Variants in NTM observed in about 807,000 individuals in gnomAD.
NTM encodes the protein IgLON family member 2.
NTM carries 13 observed loss-of-function variants against 42.1 expected under a neutral mutation model. The observed-to-expected ratio is 0.31, with a 90% CI of 0.20 to 0.49. NTM has a LOEUF of 0.49. Ranked by LOEUF, NTM falls within the 20% of genes least tolerant of loss-of-function variation. The probability of loss-of-function intolerance (pLI) is 0.99; values close to 1 mark genes in which losing one functional copy is unlikely to be tolerated. For missense variants in NTM, 373 were observed against 452.8 expected (o/e 0.82, Z 1.60); for synonymous variants, 187 against 179.2 (o/e 1.04, Z -0.35).
chr11:132,132,681 G>A (rs2067039559), intron 2 of NTM, among the ~76,000 whole-genome samples: 1 of 152,154 alleles, frequency 6.6e-6, no homozygotes, highest in Non-Finnish European at 1.5e-5. Context: ...AATAAGAACA[G>A]GGTGGGGTAG....
chr11:131,521,172 G>A lies in NTM; in HGVS notation c.82+150284G>A, dbSNP rs116887215. ...ACCCCATCTTTACTAAAAATAAGCC[G>A]GGCATGGTAGCATGTGCCTGTAGTC... On this transcript the variant is annotated intron_variant, in intron 1 of 8. Transcript: ENST00000683400. Among the ~76,000 whole-genome samples, 1,300 of 151,352 alleles carry A rather than the reference G, an allele frequency of 8.6e-3. 36 individuals are homozygous for A. The East Asian group carries it at 0.1, about 12-fold the overall frequency.
chr11:131,445,830 C>T (rs115676397), intron 1 of NTM, among the ~76,000 whole-genome samples: 117 of 152,238 alleles, frequency 7.7e-4, no homozygotes, highest in African/African-American at 2.1e-3. Context: ...CAAAACCCAC[C>T]GGTCAAATGC....
chr11:131,877,330 C>T (rs1353624709), intron 1 of NTM, among the ~76,000 whole-genome samples: 3 of 152,314 alleles, frequency 2.0e-5, no homozygotes, highest in South Asian at 4.1e-4. Flanking sequence ...TGGCTTTTCT[C>T]GCCTGGCCTC....
intron 1 of NTM, among the ~76,000 whole-genome samples, chr11:131,720,444 A>G (rs1438774127): frequency 1.3e-5 from 2 of 152,206 alleles, no homozygotes; most frequent in African/African-American, 2.4e-5. Context: ...TGCAACACAC[A>G]TAGTTTAGAA....
chr11:131,460,193 T>C (rs1462049049), intron 1 of NTM, among the ~76,000 whole-genome samples: 1 of 152,108 alleles, frequency 6.6e-6, no homozygotes. Flanking sequence ...AGATGATGAA[T>C]AGACTAGGTC....
intron 1 of NTM, among the ~76,000 whole-genome samples, chr11:131,678,797 C>T (rs1383555895): frequency 3.3e-5 from 5 of 152,056 alleles, no homozygotes; most frequent in Admixed American, 1.3e-4. Flanking sequence ...TCTGACGCTC[C>T]GTGTGAAGCA....
intron 1 of NTM, among the ~76,000 whole-genome samples, chr11:131,569,252 C>T (rs578027497): frequency 9.3e-5 from 14 of 151,156 alleles, no homozygotes; most frequent in Non-Finnish European, 1.8e-4. Flanking sequence ...TCAAGTGATT[C>T]TTCTGCCTCA....
intron 1 of NTM, among the ~76,000 whole-genome samples, chr11:131,910,652 G>GGGCGGCCGCTGAGCTT (rs2054672764): frequency 6.7e-6 from 1 of 150,340 alleles, no homozygotes; most frequent in Non-Finnish European, 1.5e-5. Context: ...CGGAGGCCGG[G>GGGCGGCCGCTGAGCTT]GGCGGCCGCT....
intron 2 of NTM, among the ~76,000 whole-genome samples, chr11:131,932,788 G>A (rs2134110571): frequency 6.6e-6 from 1 of 152,330 alleles, no homozygotes; most frequent in East Asian, 1.9e-4. Context: ...AGCTGCAGGA[G>A]GTACAGAGGC....
rs113448408 is a variant in NTM, at chr11:131,938,838, G to T, written c.167+27190G>T. On this transcript the variant is annotated intron_variant, in intron 2 of 8. Transcript: ENST00000683400. ...GTGATGAGAGAGTGGAAAAAATCCAGGATGACTTCCAAGAGCTGACTCAAG... is the reference window on the plus strand; with the variant it reads ...GTGATGAGAGAGTGGAAAAAATCCATGATGACTTCCAAGAGCTGACTCAAG... Among the ~76,000 whole-genome samples the T allele has an allele frequency of 7.6e-3, 1,163 of 152,266 alleles. 18 individuals are homozygous for T. The highest frequency in any genetic ancestry group is 0.027 in the African/African-American group (1,115 of 41,544).
intron 1 of NTM, among the ~76,000 whole-genome samples, chr11:131,578,719 A>G (rs763039711): frequency 6.6e-6 from 1 of 152,144 alleles, no homozygotes; most frequent in East Asian, 1.9e-4. Flanking sequence ...GCATCTATGG[A>G]CTATATTTGT....
chr11:131,724,288 A>C (rs2078704151), intron 1 of NTM, among the ~76,000 whole-genome samples: 1 of 152,108 alleles, frequency 6.6e-6, no homozygotes, highest in Non-Finnish European at 1.5e-5. Flanking sequence ...GGCTCCTGGC[A>C]CCAGGAAGTA....
At chr11:132,203,880 T>C (rs569472295) in intron 3 of NTM, among the ~76,000 whole-genome samples, 5 of 151,430 alleles carry the variant, frequency 3.3e-5, no homozygotes, top group Admixed American at 2.0e-4. Flanking sequence ...GCCTGAGCAA[T>C]AGAATGAGAC....
intron 2 of NTM, among the ~76,000 whole-genome samples, chr11:131,981,669 T>C (rs891633231): frequency 6.6e-6 from 1 of 152,114 alleles, no homozygotes; most frequent in Non-Finnish European, 1.5e-5. Flanking sequence ...AATTTGAAAA[T>C]TGTAGTTCAA....
intron 1 of NTM, among the ~76,000 whole-genome samples, chr11:131,634,883 C>A (rs778752151): frequency 6.6e-6 from 1 of 152,080 alleles, no homozygotes; most frequent in Non-Finnish European, 1.5e-5. Flanking sequence ...GTATTCAACA[C>A]CTTGTAGGAG....
At chr11:132,244,843 A>T (rs968513535) in intron 4 of NTM, among the ~76,000 whole-genome samples, 2 of 152,228 alleles carry the variant, frequency 1.3e-5, no homozygotes, top group Non-Finnish European at 2.9e-5. Flanking sequence ...TTGCTGGCTA[A>T]TGGGGCGGAG....
chr11:131,522,426 A>G (rs1474210080), intron 1 of NTM, among the ~76,000 whole-genome samples: 1 of 152,158 alleles, frequency 6.6e-6, no homozygotes, highest in Non-Finnish European at 1.5e-5. Flanking sequence ...CTAGAAATAA[A>G]ATGGTCTGCT....
intron 1 of NTM, among the ~76,000 whole-genome samples, chr11:131,706,952 CA>C (rs1303026265): frequency 2.0e-5 from 3 of 151,960 alleles, no homozygotes; most frequent in African/African-American, 7.2e-5. Flanking sequence ...AGCTAATTAA[CA>C]TATTTTAACC....
At chr11:132,211,226 A>C (rs1299597575) in intron 3 of NTM, among the ~76,000 whole-genome samples, 1 of 152,174 alleles carries the variant, frequency 6.6e-6, no homozygotes, top group Non-Finnish European at 1.5e-5. Flanking sequence ...CACATGGCAA[A>C]ACCTTGTCTC....
Sources: allele counts gnomAD v4.1 joint callset (sites outside exome capture counted in the v4.1 genomes callset), GRCh38; gene constraint gnomAD v4.1.1; transcripts MANE v1.5; gene names NCBI Gene and HGNC (gene_info 2026-07-23, HGNC 2026-07-21).